The following TNKS variants were observed in gnomAD, a reference collection of about 807,000 sequenced individuals.
TNKS encodes poly [ADP-ribose] polymerase tankyrase-1.
TNKS carries 72 observed loss-of-function variants against 135.8 expected under a neutral mutation model. That is an observed-to-expected ratio of 0.53 (90% confidence interval 0.44 to 0.64). TNKS has a LOEUF of 0.64. Among genes scored for constraint, TNKS ranks in the 30% least tolerant of loss-of-function variants. The pLI, the probability that TNKS is intolerant of heterozygous loss-of-function variation, is 0.00. For missense variants in TNKS, 1,769 were observed against 1,674.0 expected, an observed-to-expected ratio of 1.06 and a Z score of -0.99; for synonymous variants, 849 against 649.3, an observed-to-expected ratio of 1.31 and a Z score of -4.68.
chr8:9,632,975 C>T (rs929188666), intron 3 of TNKS, among the ~76,000 whole-genome samples: 1 of 152,210 alleles, frequency 6.6e-6, no homozygotes, highest in African/African-American at 2.4e-5. Context: ...GTGATCTGCC[C>T]GCCTCGGCCA....
intron 3 of TNKS, 126 bp downstream of exon 3, chr8:9,615,803 A>C: frequency 1.5e-6 from 1 of 660,864 alleles, no homozygotes; most frequent in East Asian, 2.8e-5. Flanking sequence ...GCCATTATCT[A>C]CTACTTTATT....
chr8:9,679,908 C>T, intron 3 of TNKS, 43 bp from the exon 4 acceptor site: 1 of 1,547,968 alleles, frequency 6.5e-7, no homozygotes, highest in South Asian at 1.1e-5. Context: ...CTTAATCTGT[C>T]TTCTGCCAAA....
At chr8:9,761,189 C>T (rs1173658241) in intron 20 of TNKS, among the ~76,000 whole-genome samples, 4 of 152,190 alleles carry the variant, frequency 2.6e-5, no homozygotes, top group South Asian at 2.1e-4. Flanking sequence ...GCTACTGATT[C>T]CTCCTCTATC....
chr8:9,750,078 TG>T (rs1806441427), intron 18 of TNKS, among the ~76,000 whole-genome samples: 1 of 152,230 alleles, frequency 6.6e-6, no homozygotes, highest in Non-Finnish European at 1.5e-5. Flanking sequence ...AAAGGTGCAG[TG>T]GGACAATGCC....
chr8:9,634,705 A>G (rs1800439206), intron 3 of TNKS, among the ~76,000 whole-genome samples: 1 of 152,238 alleles, frequency 6.6e-6, no homozygotes, highest in Non-Finnish European at 1.5e-5. Context: ...TTTCTGCTAC[A>G]GAAAAGACCT....
At chr8:9,668,428 C>T (rs976615075) in intron 3 of TNKS, among the ~76,000 whole-genome samples, 11 of 152,088 alleles carry the variant, frequency 7.2e-5, no homozygotes, top group Non-Finnish European at 1.6e-4. Flanking sequence ...TTTTGAATTC[C>T]ATGAAATTAC....
chr8:9,581,064 A>T (rs1798146049), intron 2 of TNKS, among the ~76,000 whole-genome samples: 1 of 152,118 alleles, frequency 6.6e-6, no homozygotes, highest in Non-Finnish European at 1.5e-5. Context: ...GTTTTTTGAT[A>T]CTTGAGATGA....
chr8:9,672,930 C>T (rs946504197), intron 3 of TNKS, among the ~76,000 whole-genome samples: 10 of 152,090 alleles, frequency 6.6e-5, no homozygotes, highest in Admixed American at 2.0e-4. Context: ...TTCATGTGTA[C>T]TGTGGTCACA....
intron 3 of TNKS, among the ~76,000 whole-genome samples, chr8:9,645,210 G>A (rs1357542484): frequency 5.3e-5 from 8 of 151,996 alleles, no homozygotes; most frequent in Admixed American, 2.0e-4. Flanking sequence ...GACAAGGGTG[G>A]GGGATGGGTT....
chr8:9,562,757 C>A (rs1797385728), intron 1 of TNKS, among the ~76,000 whole-genome samples: 1 of 151,992 alleles, frequency 6.6e-6, no homozygotes, highest in South Asian at 2.1e-4. Flanking sequence ...TTTCAAGGAC[C>A]TGCTAAGAGC....
At chr8:9,603,705 A>G (rs34390813) in intron 2 of TNKS, among the ~76,000 whole-genome samples, 64 of 152,338 alleles carry the variant, frequency 4.2e-4, no homozygotes, top group African/African-American at 1.4e-3. Flanking sequence ...TTAAGTTGAA[A>G]GAAGAACCCT....
intron 11 of TNKS, among the ~76,000 whole-genome samples, chr8:9,714,246 A>C (rs1804481991): frequency 6.6e-6 from 1 of 151,812 alleles, no homozygotes; most frequent in Non-Finnish European, 1.5e-5. Flanking sequence ...AGAATCCTCC[A>C]CTTTCTAGTT....
chr8:9,578,295 A>G (rs939854701), intron 1 of TNKS, among the ~76,000 whole-genome samples: 7 of 152,352 alleles, frequency 4.6e-5, no homozygotes, highest in East Asian at 1.9e-4. Context: ...CATTGATGGT[A>G]GAGGGAAGGA....
chr8:9,731,987 C>T (rs1473050097), intron 14 of TNKS, among the ~76,000 whole-genome samples: 2 of 152,262 alleles, frequency 1.3e-5, no homozygotes, highest in East Asian at 3.9e-4. Flanking sequence ...CGGGGTTTCA[C>T]TGTGTTAGCC....
chr8:9,583,742 C>G (rs1357188371), intron 2 of TNKS, among the ~76,000 whole-genome samples: 1 of 152,104 alleles, frequency 6.6e-6, no homozygotes, highest in Non-Finnish European at 1.5e-5. Context: ...CTGTCTCAGC[C>G]TCCCAAAGTC....
intron 11 of TNKS, among the ~76,000 whole-genome samples, chr8:9,714,288 C>G (rs1036427822): frequency 2.7e-5 from 4 of 150,650 alleles, no homozygotes; most frequent in African/African-American, 9.8e-5. Context: ...CCCTGAGTCT[C>G]AGTTGACTAA....
intron 13 of TNKS, among the ~76,000 whole-genome samples, chr8:9,727,292 G>A (rs576583311): frequency 6.6e-6 from 1 of 152,206 alleles, no homozygotes; most frequent in South Asian, 2.1e-4. Flanking sequence ...AACAATGGTT[G>A]TAGTTTTATT....
intron 3 of TNKS, among the ~76,000 whole-genome samples, chr8:9,648,418 G>A (rs1801001321): frequency 6.6e-6 from 1 of 151,690 alleles, no homozygotes; most frequent in South Asian, 2.1e-4. Context: ...AACTTTTTTT[G>A]TTAAACATTA....
chr8:9,583,434 C>A (rs922472341), intron 2 of TNKS, among the ~76,000 whole-genome samples: 9 of 152,096 alleles, frequency 5.9e-5, no homozygotes, highest in African/African-American at 2.2e-4. Flanking sequence ...TCTCCCTACC[C>A]CTCAAATATA....
Sources: gnomAD v4.1 joint callset for allele counts (sites outside exome capture counted in the v4.1 genomes callset) on GRCh38, gnomAD v4.1.1 for gene constraint, MANE v1.5 for transcripts, NCBI Gene and HGNC (gene_info 2026-07-23, HGNC 2026-07-21) for gene names.